CNNM2: variants seen among roughly 807,000 people sequenced by gnomAD.
CNNM2 encodes the protein cyclin and CBS domain divalent metal cation transport mediator 2.
CNNM2 carries 12 observed loss-of-function variants against 66.9 expected under a neutral mutation model. The ratio of observed to expected loss-of-function variants is 0.18; its 90% CI spans 0.11 to 0.29. CNNM2 has a LOEUF of 0.29. CNNM2 is among the 10% of genes least tolerant of loss of function. CNNM2 has a pLI of 1.00. For missense variants in CNNM2, 705 were observed against 1,167.7 expected, an observed-to-expected ratio of 0.60 and a Z score of 5.77; for synonymous variants, 557 against 501.8, an observed-to-expected ratio of 1.11 and a Z score of -1.47.
chr10:103,034,687 A>G (rs1286980307), intron 1 of CNNM2, among the ~76,000 whole-genome samples: 2 of 152,212 alleles, frequency 1.3e-5, no homozygotes, highest in Non-Finnish European at 2.9e-5. Context: ...CAGAAGAGTA[A>G]ATCATAAAAC....
intron 1 of CNNM2, among the ~76,000 whole-genome samples, chr10:103,036,507 C>T (rs536078079): frequency 3.3e-5 from 5 of 152,310 alleles, no homozygotes; most frequent in South Asian, 4.1e-4. Flanking sequence ...TTCATCAACA[C>T]ATTGGGAGAA....
intron 1 of CNNM2, among the ~76,000 whole-genome samples, chr10:103,034,987 A>AAAAAAAAAAAAT (rs1554902000): frequency 6.8e-6 from 1 of 147,610 alleles, no homozygotes; most frequent in Non-Finnish European, 1.5e-5. Flanking sequence ...AAAAAAAAAA[A>AAAAAAAAAAAAT]AAATCTCCTA....
chr10:102,981,548 A>G (rs1403893737), intron 1 of CNNM2, among the ~76,000 whole-genome samples: 1 of 147,214 alleles, frequency 6.8e-6, no homozygotes, highest in Non-Finnish European at 1.5e-5. Flanking sequence ...ATGCCACCAC[A>G]CCCGGCTAAC....
Position 103,054,354 on chromosome 10 carries a change from G to C in CNNM2, c.1791G>C (p.Val597=). ...LYTDNRTKKK[V]AHRERKQDFS... ...CTGACAACAGAACGAAAAAGAAAGT[G>C]GCTCACCGGGAACGAAAGCAAGATT... Residue 597 remains valine (V), a synonymous_variant, in exon 3 of 8, where the codon GTG becomes GTC. Transcript: ENST00000369878. This position sits in a 1 kb window ranked among gnomAD's most constrained non-coding sequence, Gnocchi z 5.2. 3.7e-6 allele frequency: 6 copies of C among 1,613,808 alleles called. No homozygotes were observed. Among genetic ancestry groups the C allele is most frequent in the Non-Finnish European group, 5.1e-6 (6 of 1,179,830 alleles).
rs145334560 is a variant in CNNM2 at position 103,048,627 on chromosome 10, C to T, written c.1622-1080C>T. On this transcript the variant is annotated intron_variant, in intron 1 of 7. Transcript: ENST00000369878. ...TTTGAGAAAATGCCTGACAAATACC[C>T]AAGTCTATATAACCATAGTTTGTCT... 2.7e-5 allele frequency among the ~76,000 whole-genome samples: 4 copies of T among 150,426 alleles called. No homozygotes were observed. In the East Asian group the frequency reaches 7.7e-4, roughly 29 times the overall value.
At chr10:103,007,020 G>T (rs1042629724) in intron 1 of CNNM2, among the ~76,000 whole-genome samples, 3 of 151,964 alleles carry the variant, frequency 2.0e-5, no homozygotes, top group African/African-American at 7.2e-5. Context: ...TTTCAACGTA[G>T]GTTCTTTCTA....
chr10:103,040,632 G>T (rs1439587369), intron 1 of CNNM2, among the ~76,000 whole-genome samples: 1 of 152,172 alleles, frequency 6.6e-6, no homozygotes, highest in Non-Finnish European at 1.5e-5. Flanking sequence ...GGTGGATCCG[G>T]AGTTGATCTG....
In CNNM2 at chr10:102,953,864, T is replaced by C. The variant is rs181748222; in HGVS notation, c.1621+33763T>C. ...GCATGAGCCACTGTGCCTGGCCTAA[T>C]TGTAGCTCTATGTATTATTGACTAT... is the stretch of plus-strand genomic sequence containing the variant. On this transcript the variant is annotated intron_variant, in intron 1 of 7. Transcript: ENST00000369878. Among the ~76,000 whole-genome samples, 3 of 151,756 alleles carry C rather than the reference T, an allele frequency of 2.0e-5. No individual in the cohort carries two copies. The East Asian group carries it at 5.9e-4, about 30-fold the overall frequency.
chr10:103,011,764 C>T (rs552174285), intron 1 of CNNM2, among the ~76,000 whole-genome samples: 1 of 151,638 alleles, frequency 6.6e-6, no homozygotes, highest in African/African-American at 2.4e-5. Flanking sequence ...TCTTGGCTCA[C>T]TGCAACCTCT....
At chr10:103,065,061 C>A (rs2065453464) in intron 4 of CNNM2, among the ~76,000 whole-genome samples, 1 of 152,124 alleles carries the variant, frequency 6.6e-6, no homozygotes, top group Non-Finnish European at 1.5e-5. Context: ...TCCTCCCCTG[C>A]CTGGGATCCT....
rs537259520 is a variant in CNNM2, at chr10:103,089,678, T to TTCCTCCTCC, written c.*12507_*12515dup. On this transcript the variant is annotated 3_prime_UTR_variant, in exon 8 of 8. Transcript: ENST00000369878. The stretch of plus-strand genomic sequence containing the variant: ...GGGGTTTTGGTTTTCCTCCTTATTC[T>TTCCTCCTCC]TCCTCCTCCTCCTCCTCTTCATCAT... 2 of 1,560,016 alleles carry TTCCTCCTCC rather than the reference T, an allele frequency of 1.3e-6. No individual in the cohort carries two copies. The highest frequency in any genetic ancestry group is 1.8e-6 in the Non-Finnish European group (2 of 1,141,652).
chr10:103,007,834 C>T (rs565939620), intron 1 of CNNM2, among the ~76,000 whole-genome samples: 4 of 152,222 alleles, frequency 2.6e-5, no homozygotes, highest in East Asian at 1.9e-4. Flanking sequence ...ACATCCTCAG[C>T]TTATGAAGAT....
intron 1 of CNNM2, among the ~76,000 whole-genome samples, chr10:102,987,217 C>T (rs943478242): frequency 6.6e-6 from 1 of 152,126 alleles, no homozygotes; most frequent in Non-Finnish European, 1.5e-5. Context: ...ATGATATATT[C>T]TAAAGCGGTA....
At chr10:102,935,205 C>A (rs1453986539) in intron 1 of CNNM2, among the ~76,000 whole-genome samples, 1 of 150,192 alleles carries the variant, frequency 6.7e-6, no homozygotes, top group African/African-American at 2.5e-5. Context: ...GACATGGTGG[C>A]CTGTAATCCT....
chr10:103,015,711 G>A (rs1029410863), intron 1 of CNNM2, among the ~76,000 whole-genome samples: 2 of 152,120 alleles, frequency 1.3e-5, no homozygotes, highest in Non-Finnish European at 2.9e-5. Flanking sequence ...AGATTAGCCA[G>A]GCGTAGTGCT....
chr10:103,059,641 C>T (rs2065351009), intron 4 of CNNM2, among the ~76,000 whole-genome samples: 1 of 152,036 alleles, frequency 6.6e-6, no homozygotes, highest in Admixed American at 6.6e-5. Flanking sequence ...ATGGAAAAAA[C>T]TTTATTGGCT....
At chr10:102,922,536 T>G (rs1845685603) in intron 1 of CNNM2, among the ~76,000 whole-genome samples, 1 of 152,166 alleles carries the variant, frequency 6.6e-6, no homozygotes, top group Non-Finnish European at 1.5e-5. Context: ...CCTCTACCTC[T>G]CTCCTAAATT....
rs1456268674 is a variant in CNNM2, at chr10:103,054,606, GTTT to G, written c.1903+145_1903+147del. Reference sequence around the variant, plus strand: ...GCCACTTTTGTGTTTTGTTTTTTTTGTTTTTTTGTTTTGTTTTGTTTTTTTCTT... The same window carrying G: ...GCCACTTTTGTGTTTTGTTTTTTTTGTTTTGTTTTGTTTTGTTTTTTTCTT... On this transcript the variant is annotated intron_variant, in intron 3 of 7. Coordinates refer to ENST00000369878, the MANE Select transcript of CNNM2 (RefSeq NM_017649.5). This position sits in a 1 kb window ranked among gnomAD's most constrained non-coding sequence, Gnocchi z 5.2. The G allele has an allele frequency of 1.4e-6, 1 of 723,772 alleles. No homozygotes were observed. The highest frequency in any genetic ancestry group is 2.0e-6 in the Non-Finnish European group (1 of 495,310). 44.8% of individuals were successfully genotyped at this position (723,772 alleles called of 1,614,324 possible).
At chr10:103,008,960 G>A (rs1267833965) in intron 1 of CNNM2, among the ~76,000 whole-genome samples, 1 of 152,000 alleles carries the variant, frequency 6.6e-6, no homozygotes, top group African/African-American at 2.4e-5. Flanking sequence ...ACTCAACTGT[G>A]GGACACTTTG....
Sources: allele counts gnomAD v4.1 joint callset (sites outside exome capture counted in the v4.1 genomes callset), GRCh38; gene constraint gnomAD v4.1.1; non-coding constraint Gnocchi (gnomAD v3.1); transcripts MANE v1.5; gene names NCBI Gene and HGNC (gene_info 2026-07-23, HGNC 2026-07-21).